Variants in EPHB2 observed in about 807,000 individuals in gnomAD.
EPHB2 encodes EPH receptor B2, also known as ephrin type-B receptor 2.
In EPHB2, 18 loss-of-function variants were observed where a neutral mutation model predicts 96.4. That is an observed-to-expected ratio of 0.19 (90% CI 0.13 to 0.28). The LOEUF is 0.28. EPHB2 is among the 10% of genes least tolerant of loss of function. EPHB2 has a pLI of 1.00. For synonymous variants in EPHB2, 506 were observed against 534.1 expected (o/e 0.95, Z 0.72); for missense variants, 989 against 1,355.4 (o/e 0.73, Z 4.25).
Position 22,799,440 on chromosome 1 carries a change from G to A in EPHB2, c.811+14364G>A, listed in dbSNP as rs564725732. 1.2e-3 allele frequency among the ~76,000 whole-genome samples: 189 copies of A among 152,304 alleles called. 2 individuals carry two copies. Among genetic ancestry groups the A allele is most frequent in the African/African-American group, 4.1e-3 (169 of 41,578 alleles). ...CAGGTGACTCACCTACCCAAGCCTT[G>A]ATCGCCTCATCTCTAAAATGGGTTC... On this transcript the variant is annotated intron_variant, in intron 3 of 15. Transcript: ENST00000374630.
Position 22,794,552 on chromosome 1 carries a change from A to T in EPHB2, c.811+9476A>T, listed in dbSNP as rs541389377. Among the ~76,000 whole-genome samples, 117 of 152,256 alleles carry T rather than the reference A, an allele frequency of 7.7e-4. 1 individual carries two copies. The highest frequency in any genetic ancestry group is 3.7e-4 in the Non-Finnish European group (25 of 67,992). The stretch of plus-strand genomic sequence containing the variant: ...ACTTGGCCAATGTCACACCCCTCTT[A>T]GGTGGCAGGGACAGGTCTATGCCTT... On this transcript the variant is annotated intron_variant, in intron 3 of 15. Coordinates refer to ENST00000374630, the MANE Select transcript of EPHB2 (RefSeq NM_017449.5).
At chr1:22,771,795 A>T (rs918420488) in intron 1 of EPHB2, among the ~76,000 whole-genome samples, 1 of 152,190 alleles carries the variant, frequency 6.6e-6, no homozygotes, top group Non-Finnish European at 1.5e-5. Context: ...TCATTTAAGT[A>T]AAAAGGCTTT....
Position 22,906,907 on chromosome 1 carries a change from A to G in EPHB2, c.2086A>G (p.Met696Val). The change falls in exon 11 of 16, where the codon ATG becomes GTG. Residue 696 changes from methionine (M) to valine (V), a missense_variant. Physicochemically the swap from Met to Val is conservative, Grantham distance 21 (BLOSUM62 1). Transcript: ENST00000374630. This position sits in a 1 kb window ranked among gnomAD's most constrained non-coding sequence, Gnocchi z 4.8. ...TGTCGTGACCAAGAGCACACCTGTG[A>G]TGATCATCACCGAGTTCATGGAGAA... ...EGVVTKSTPV[M>V]IITEFMENGS... 2 of 1,614,096 alleles carry G rather than the reference A, an allele frequency of 1.2e-6. No homozygotes were observed. Among genetic ancestry groups the G allele is most frequent in the South Asian group, 2.2e-5 (2 of 91,082 alleles).
intron 1 of EPHB2, among the ~76,000 whole-genome samples, chr1:22,740,163 A>G (rs1160771504): frequency 2.0e-5 from 3 of 152,152 alleles, no homozygotes; most frequent in East Asian, 1.9e-4. Flanking sequence ...AGTGGCACCA[A>G]TGCAGCCAGG....
At chr1:22,739,886 C>T (rs566414849) in intron 1 of EPHB2, among the ~76,000 whole-genome samples, 22 of 152,260 alleles carry the variant, frequency 1.4e-4, no homozygotes, top group African/African-American at 4.6e-4. Context: ...AAAGTTGTGC[C>T]GGGCTGCAGA....
chr1:22,746,577 T>C lies in EPHB2; in HGVS notation c.62-34844T>C, dbSNP rs115809922. On this transcript the variant is annotated intron_variant, in intron 1 of 15. Transcript: ENST00000374630. The stretch of plus-strand genomic sequence containing the variant: ...TGCAGTGTGTTCTGCAGGGGGGAGA[T>C]GAGATGGTGAAATTAGCCTTTTGCA... Among the ~76,000 whole-genome samples, 957 of 152,260 alleles carry C rather than the reference T, an allele frequency of 6.3e-3. 9 individuals carry two copies. Among genetic ancestry groups the C allele is most frequent in the East Asian group, 0.041 (213 of 5,168 alleles).
intron 6 of EPHB2, among the ~76,000 whole-genome samples, chr1:22,887,062 G>A (rs969239622): frequency 6.6e-6 from 1 of 152,144 alleles, no homozygotes; most frequent in African/African-American, 2.4e-5. Flanking sequence ...AAAGGGGTTG[G>A]GGTTCAGGGA....
Position 22,803,484 on chromosome 1 carries a change from G to C in EPHB2, c.811+18408G>C, listed in dbSNP as rs1410158380. On this transcript the variant is annotated intron_variant, in intron 3 of 15. Transcript: ENST00000374630. ...TAGCCAGGTGTGGTGGTACGCACTT[G>C]TAGTCCCAGCTACTAGGGAGGCTGA... 2.0e-5 allele frequency among the ~76,000 whole-genome samples: 3 copies of C among 151,962 alleles called. No homozygotes were observed. The East Asian group carries it at 5.8e-4, about 29-fold the overall frequency.
At chr1:22,840,847 T>G (rs976462130) in intron 3 of EPHB2, among the ~76,000 whole-genome samples, 5 of 152,186 alleles carry the variant, frequency 3.3e-5, no homozygotes, top group Admixed American at 1.3e-4. Flanking sequence ...ACATGTTAAT[T>G]TATTTAATCC....
At chr1:22,725,342 G>A (rs565101944) in intron 1 of EPHB2, among the ~76,000 whole-genome samples, 1 of 152,210 alleles carries the variant, frequency 6.6e-6, no homozygotes, top group East Asian at 1.9e-4. Context: ...TGGTTGGCTG[G>A]CTGGCTGGAT....
At chr1:22,745,784 C>T (rs974826067) in intron 1 of EPHB2, among the ~76,000 whole-genome samples, 2 of 152,100 alleles carry the variant, frequency 1.3e-5, no homozygotes, top group East Asian at 1.9e-4. Context: ...CAGCAAGGCT[C>T]GGGCTGGGCC....
In EPHB2 at chr1:22,741,679, C is replaced by CAAAAAAAAA. The variant is rs747438721; in HGVS notation, c.61+30637_61+30645dup. ...CTTGACAGCCTGGTTTTCTTCCCAG[C>CAAAAAAAAA]AAAAAAAAACAAAAAAACAAAAAAC... On this transcript the variant is annotated intron_variant, in intron 1 of 15. Coordinates refer to ENST00000374630, the MANE Select transcript of EPHB2 (RefSeq NM_017449.5). Among the ~76,000 whole-genome samples the CAAAAAAAAA allele has an allele frequency of 5.9e-3, 436 of 73,746 alleles. 26 individuals carry two copies. In the East Asian group the frequency reaches 0.071, roughly 12 times the overall value. 48.4% of individuals were successfully genotyped at this position (73,746 alleles called of 152,430 possible). A position where few individuals can be genotyped will look rare whatever the true frequency, so the allele number is the denominator to read the frequency against.
At position 22,913,192 on chromosome 1, in the gene EPHB2, C is replaced by T. The variant is rs1640164600; in HGVS notation, c.2853-270C>T. On this transcript the variant is annotated intron_variant, in intron 15 of 15. Transcript: ENST00000374630. This position sits in a 1 kb window ranked among gnomAD's most constrained non-coding sequence, Gnocchi z 4.1. Reference sequence around the variant, plus strand: ...TGGGTGACAGAGCGAGACTCTGTCTCGAAAAAGAAAGAAAATGTAAGCTGG... The same window carrying T: ...TGGGTGACAGAGCGAGACTCTGTCTTGAAAAAGAAAGAAAATGTAAGCTGG... 3 of 523,478 alleles carry T rather than the reference C, an allele frequency of 5.7e-6. No individual in the cohort carries two copies. The highest frequency in any genetic ancestry group is 2.0e-5 in the South Asian group (1 of 49,226). 32.4% of individuals were successfully genotyped at this position (523,478 alleles called of 1,614,324 possible).
At chr1:22,821,315 C>T (rs1325449787) in intron 3 of EPHB2, among the ~76,000 whole-genome samples, 1 of 152,176 alleles carries the variant, frequency 6.6e-6, no homozygotes, top group Non-Finnish European at 1.5e-5. Flanking sequence ...ATGCCATGTG[C>T]CCAGCTAAAA....
At chr1:22,810,992 C>G (rs573870064) in intron 3 of EPHB2, among the ~76,000 whole-genome samples, 75 of 152,262 alleles carry the variant, frequency 4.9e-4, no homozygotes, top group Non-Finnish European at 8.7e-4. Context: ...AGTGAGGTGT[C>G]AAGGACCTAA....
intron 3 of EPHB2, among the ~76,000 whole-genome samples, chr1:22,830,275 C>A (rs976841664): frequency 6.6e-6 from 1 of 152,122 alleles, no homozygotes; most frequent in Non-Finnish European, 1.5e-5. Context: ...AGGAGAGGGG[C>A]GGTTCGCAGA....
At chr1:22,731,874 T>C (rs1570168749) in intron 1 of EPHB2, among the ~76,000 whole-genome samples, 1 of 152,122 alleles carries the variant, frequency 6.6e-6, no homozygotes, top group East Asian at 1.9e-4. Flanking sequence ...AAATCATCAC[T>C]GTGTAGAAGC....
At chr1:22,877,465 A>C (rs1189367989) in intron 5 of EPHB2, among the ~76,000 whole-genome samples, 2 of 152,192 alleles carry the variant, frequency 1.3e-5, no homozygotes, top group African/African-American at 4.8e-5. Context: ...GTTGAGGAGC[A>C]GGTTGCCACC....
chr1:22,854,796 G>A (rs10917319), intron 3 of EPHB2, among the ~76,000 whole-genome samples: 2,585 of 152,220 alleles, frequency 0.017, 75 homozygotes, highest in African/African-American at 0.058. Flanking sequence ...CCCACAGTAC[G>A]GAGGAGGACC....
Sources: allele counts gnomAD v4.1 joint callset (sites outside exome capture counted in the v4.1 genomes callset), GRCh38; gene constraint gnomAD v4.1.1; non-coding constraint Gnocchi (gnomAD v3.1); transcripts MANE v1.5; gene names NCBI Gene and HGNC (gene_info 2026-07-23, HGNC 2026-07-21).